EFCAB11: variants seen among roughly 807,000 people sequenced by gnomAD.
The protein encoded by EFCAB11 is EF-hand calcium-binding domain-containing protein 11.
EFCAB11 carries 14 observed loss-of-function variants against 23.0 expected under a neutral mutation model. The observed-to-expected ratio is 0.61, with a 90% CI of 0.40 to 0.95. The LOEUF (loss-of-function observed/expected upper bound fraction) is 0.95. Among genes scored for constraint, EFCAB11 ranks in the 40% least tolerant of loss-of-function variants. EFCAB11 has a pLI of 0.00. For synonymous variants in EFCAB11, 65 were observed against 66.6 expected, an observed-to-expected ratio of 0.98 and a Z score of 0.11; for missense variants, 198 against 195.8, an observed-to-expected ratio of 1.01 and a Z score of -0.07.
At chr14:89,946,208 C>G (rs1890978636) in intron 3 of EFCAB11, among the ~76,000 whole-genome samples, 1 of 152,160 alleles carries the variant, frequency 6.6e-6, no homozygotes, top group African/African-American at 2.4e-5. Flanking sequence ...GTCATGGCAC[C>G]TGGCCAGGGG....
intron 5 of EFCAB11, among the ~76,000 whole-genome samples, chr14:89,798,929 G>T (rs1447747771): frequency 6.6e-6 from 1 of 152,150 alleles, no homozygotes; most frequent in African/African-American, 2.4e-5. Flanking sequence ...TAAGACTACA[G>T]GCACCCAGTA....
chr14:89,865,464 G>A (rs1267007798), intron 5 of EFCAB11, among the ~76,000 whole-genome samples: 1 of 152,086 alleles, frequency 6.6e-6, no homozygotes, highest in Non-Finnish European at 1.5e-5. Context: ...GGGAGAGAGA[G>A]AGAGAGATAC....
chr14:89,908,823 G>A lies in EFCAB11; in HGVS notation c.410+22718C>T, dbSNP rs112016527. Among the ~76,000 whole-genome samples, 770 of 152,266 alleles carry A rather than the reference G, an allele frequency of 5.1e-3. 4 individuals are homozygous for A. Among genetic ancestry groups the A allele is most frequent in the Non-Finnish European group, 7.9e-3 (538 of 68,018 alleles). ...GGGAAAAGAGAGGGATTCCCTCAGC[G>A]GCAGGTTTGTTCTAGACTGGCTGAG... is the stretch of plus-strand genomic sequence containing the variant. On this transcript the variant is annotated intron_variant, in intron 5 of 5. Transcript: ENST00000316738.
chr14:89,859,209 A>G (rs1237037002), intron 5 of EFCAB11, among the ~76,000 whole-genome samples: 3 of 152,196 alleles, frequency 2.0e-5, no homozygotes, highest in Admixed American at 6.5e-5. Context: ...ATTTAAAACT[A>G]TAACTTGGTA....
intron 5 of EFCAB11, among the ~76,000 whole-genome samples, chr14:89,879,830 T>C (rs1888548299): frequency 6.6e-6 from 1 of 152,206 alleles, no homozygotes; most frequent in African/African-American, 2.4e-5. Flanking sequence ...CTTATAAGCC[T>C]GCATTTTCTA....
intron 5 of EFCAB11, among the ~76,000 whole-genome samples, chr14:89,868,883 T>TA (rs1888179954): frequency 6.6e-6 from 1 of 152,176 alleles, no homozygotes; most frequent in South Asian, 2.1e-4. Flanking sequence ...CCTGCTTTCT[T>TA]ACAGAAACAA....
intron 4 of EFCAB11, among the ~76,000 whole-genome samples, chr14:89,931,983 G>C (rs1890404504): frequency 6.6e-6 from 1 of 151,908 alleles, no homozygotes; most frequent in Non-Finnish European, 1.5e-5. Flanking sequence ...TCTTCAAAAT[G>C]CATGTTTTTT....
chr14:89,913,960 A>G (rs1889757613), intron 5 of EFCAB11, among the ~76,000 whole-genome samples: 1 of 152,272 alleles, frequency 6.6e-6, no homozygotes, highest in Non-Finnish European at 1.5e-5. Context: ...TCATCTTTGT[A>G]TGCCGGAGAC....
At chr14:89,817,380 T>A (rs1229273420) in intron 5 of EFCAB11, among the ~76,000 whole-genome samples, 1 of 151,852 alleles carries the variant, frequency 6.6e-6, no homozygotes, top group Non-Finnish European at 1.5e-5. Context: ...AATAAAAAAA[T>A]TAGCTAGGCA....
At chr14:89,809,362 T>C (rs1260990167) in intron 5 of EFCAB11, among the ~76,000 whole-genome samples, 1 of 152,200 alleles carries the variant, frequency 6.6e-6, no homozygotes, top group African/African-American at 2.4e-5. Flanking sequence ...ATTGCCACAC[T>C]AATACCAATT....
intron 5 of EFCAB11, among the ~76,000 whole-genome samples, chr14:89,812,834 C>T (rs1375100745): frequency 6.6e-6 from 1 of 151,834 alleles, no homozygotes; most frequent in Non-Finnish European, 1.5e-5. Flanking sequence ...AATATGGAAG[C>T]AAGGAAAATT....
chr14:89,893,312 G>A (rs747056440), intron 5 of EFCAB11, among the ~76,000 whole-genome samples: 9 of 152,162 alleles, frequency 5.9e-5, no homozygotes, highest in Non-Finnish European at 1.2e-4. Flanking sequence ...ACCCAGGGTT[G>A]CTGGGTTTGC....
At chr14:89,799,609 A>G (rs1281249847) in intron 5 of EFCAB11, 1 of 152,206 alleles carries the variant, frequency 6.6e-6, no homozygotes, top group Non-Finnish European at 1.5e-5. Context: ...ACTAGAATGC[A>G]TTGTTTTGGT....
chr14:89,885,806 C>A (rs1888749584), intron 5 of EFCAB11, among the ~76,000 whole-genome samples: 1 of 148,730 alleles, frequency 6.7e-6, no homozygotes, highest in East Asian at 2.0e-4. Context: ...AAGACAGCAA[C>A]TAAAAGAAAG....
intron 5 of EFCAB11, among the ~76,000 whole-genome samples, chr14:89,925,818 G>GT (rs1269840974): frequency 6.6e-6 from 1 of 151,336 alleles, no homozygotes; most frequent in Non-Finnish European, 1.5e-5. Context: ...GCTAATTTTT[G>GT]TATTTTCAGT....
intron 5 of EFCAB11, among the ~76,000 whole-genome samples, chr14:89,836,230 A>G (rs1198802567): frequency 6.6e-6 from 1 of 151,856 alleles, no homozygotes; most frequent in Non-Finnish European, 1.5e-5. Flanking sequence ...AGGCGACCCT[A>G]CCCTGGGCCC....
intron 5 of EFCAB11, among the ~76,000 whole-genome samples, chr14:89,906,746 A>T (rs966584764): frequency 6.6e-6 from 1 of 152,180 alleles, no homozygotes; most frequent in Non-Finnish European, 1.5e-5. Context: ...CCAGGAGGGG[A>T]ACATTAGCAA....
At chr14:89,860,173 G>A (rs748731464) in intron 5 of EFCAB11, among the ~76,000 whole-genome samples, 8 of 152,130 alleles carry the variant, frequency 5.3e-5, no homozygotes, top group South Asian at 2.1e-4. Flanking sequence ...AGACCAGCCT[G>A]GCCAACATGG....
At chr14:89,797,560 C>G (rs1204944948) in intron 5 of EFCAB11, among the ~76,000 whole-genome samples, 2 of 151,960 alleles carry the variant, frequency 1.3e-5, no homozygotes, top group Non-Finnish European at 2.9e-5. Flanking sequence ...AGAGATGAAG[C>G]CAAATACACA....
Sources: allele counts gnomAD v4.1 joint callset (sites outside exome capture counted in the v4.1 genomes callset), GRCh38; gene constraint gnomAD v4.1.1; transcripts MANE v1.5; gene names NCBI Gene and HGNC (gene_info 2026-07-23, HGNC 2026-07-21).